The following CTIF variants were observed in gnomAD, a reference collection of about 807,000 sequenced individuals.
The protein encoded by CTIF is CBP80/20-dependent translation initiation factor.
CTIF carries 21 observed loss-of-function variants against 66.0 expected under a neutral mutation model. The observed-to-expected ratio is 0.32, with a 90% CI of 0.23 to 0.46. The LOEUF is 0.46. Ranked by LOEUF, CTIF falls within the 20% of genes least tolerant of loss-of-function variation. The probability of loss-of-function intolerance (pLI) is 1.00; values close to 1 mark genes in which losing one functional copy is unlikely to be tolerated. For synonymous variants in CTIF, 345 were observed against 326.4 expected (o/e 1.06, Z -0.62); for missense variants, 739 against 812.7 (o/e 0.91, Z 1.10).
chr18:48,800,223 C>T (rs960990802), intron 9 of CTIF, among the ~76,000 whole-genome samples: 13 of 152,234 alleles, frequency 8.5e-5, no homozygotes, highest in African/African-American at 3.1e-4. Context: ...TCAGAAATAT[C>T]TTGATGGCCT....
At chr18:48,837,356 A>C (rs1405520686) in intron 10 of CTIF, among the ~76,000 whole-genome samples, 1 of 152,072 alleles carries the variant, frequency 6.6e-6, no homozygotes, top group Non-Finnish European at 1.5e-5. Flanking sequence ...ACACATCCCC[A>C]CTCAGAGGAC....
intron 7 of CTIF, among the ~76,000 whole-genome samples, chr18:48,729,752 G>T (rs1325497138): frequency 1.3e-5 from 2 of 152,174 alleles, no homozygotes. Context: ...TGGGGAGGGT[G>T]GTCCTGCCTC....
chr18:48,550,947 T>C (rs1220000182), intron 1 of CTIF, among the ~76,000 whole-genome samples: 1 of 152,178 alleles, frequency 6.6e-6, no homozygotes, highest in Non-Finnish European at 1.5e-5. Context: ...TACGGATCTC[T>C]ACATGTTTTC....
chr18:48,707,434 G>A (rs900421408), intron 6 of CTIF, among the ~76,000 whole-genome samples: 2 of 152,132 alleles, frequency 1.3e-5, no homozygotes, highest in Non-Finnish European at 2.9e-5. Context: ...TTTTCCAGCC[G>A]CATCTTAACA....
intron 7 of CTIF, among the ~76,000 whole-genome samples, chr18:48,752,286 T>C (rs1384805760): frequency 2.0e-5 from 3 of 152,128 alleles, no homozygotes; most frequent in Non-Finnish European, 4.4e-5. Context: ...GGCCCTCTCC[T>C]CTCAGCGTTG....
intron 2 of CTIF, among the ~76,000 whole-genome samples, chr18:48,620,994 G>T (rs1048277166): frequency 4.6e-5 from 7 of 152,064 alleles, no homozygotes; most frequent in African/African-American, 1.4e-4. Flanking sequence ...AAAAATAGAT[G>T]TGATGCTTTC....
chr18:48,654,134 A>G (rs1213046754), intron 3 of CTIF, among the ~76,000 whole-genome samples: 1 of 152,240 alleles, frequency 6.6e-6, no homozygotes, highest in Non-Finnish European at 1.5e-5. Flanking sequence ...ATGGGATCTA[A>G]CTAAACTAAA....
intron 6 of CTIF, among the ~76,000 whole-genome samples, chr18:48,690,557 A>G (rs16949777): frequency 0.015 from 2,310 of 152,246 alleles, 18 homozygotes; most frequent in Non-Finnish European, 0.022. Flanking sequence ...TGGAGCCCTG[A>G]GTACAGAAGG....
chr18:48,560,204 A>G (rs2089121582), intron 1 of CTIF, among the ~76,000 whole-genome samples: 1 of 151,628 alleles, frequency 6.6e-6, no homozygotes, highest in African/African-American at 2.4e-5. Flanking sequence ...TGTTAGGAGG[A>G]ATTTCATAGA....
intron 9 of CTIF, among the ~76,000 whole-genome samples, chr18:48,787,096 G>A (rs1226556003): frequency 6.6e-6 from 1 of 152,200 alleles, no homozygotes; most frequent in Non-Finnish European, 1.5e-5. Flanking sequence ...GGGCGGAGCT[G>A]TGGTCAGGAC....
chr18:48,561,882 A>G (rs2089171564), intron 1 of CTIF, among the ~76,000 whole-genome samples: 3 of 152,184 alleles, frequency 2.0e-5, no homozygotes, highest in South Asian at 4.1e-4. Context: ...GGCAAACTAC[A>G]ACTTGCAGAC....
rs562645776 is a variant in CTIF, at chr18:48,841,961, C to T, written c.1528-15627C>T. Among the ~76,000 whole-genome samples, 12 of 152,334 alleles carry T rather than the reference C, an allele frequency of 7.9e-5. No individual in the cohort carries two copies. The East Asian group carries it at 1.7e-3, about 22-fold the overall frequency. ...GAACTCCACCCAAGACGCACAGCCCCTACCTACTGGAAGGTGGAGGAGGCT... is the reference window on the plus strand; with the variant it reads ...GAACTCCACCCAAGACGCACAGCCCTTACCTACTGGAAGGTGGAGGAGGCT... On this transcript the variant is annotated intron_variant, in intron 10 of 11. Transcript: ENST00000256413.
intron 1 of CTIF, among the ~76,000 whole-genome samples, chr18:48,615,438 C>A (rs189773601): frequency 1.3e-5 from 2 of 152,196 alleles, no homozygotes; most frequent in African/African-American, 4.8e-5. Context: ...CGCTGCGGAA[C>A]AGGGAAGTGA....
chr18:48,685,240 G>C (rs890775327), intron 6 of CTIF, among the ~76,000 whole-genome samples: 4 of 149,152 alleles, frequency 2.7e-5, no homozygotes, highest in African/African-American at 9.9e-5. Context: ...TTTTTTTCTT[G>C]AGATGGAGTT....
intron 10 of CTIF, among the ~76,000 whole-genome samples, chr18:48,850,671 G>A (rs980843715): frequency 4.6e-5 from 7 of 152,234 alleles, no homozygotes; most frequent in African/African-American, 1.7e-4. Context: ...TGGCACTGAC[G>A]GGGCCCCAGG....
rs2092441148 is a variant in CTIF, at chr18:48,730,552, CTGTGTG to C, written c.584+18858_584+18863del. On this transcript the variant is annotated intron_variant, in intron 7 of 11. Coordinates refer to ENST00000256413, the MANE Select transcript of CTIF (RefSeq NM_014772.3). Reference sequence around the variant, plus strand: ...GCCCCTGTGGTGTGAGGGGCTTCTGCTGTGTGAGGGGCTTCTGCGGTGTGAGGGGCC... The same window carrying C: ...GCCCCTGTGGTGTGAGGGGCTTCTGCAGGGGCTTCTGCGGTGTGAGGGGCC... 5.4e-5 allele frequency among the ~76,000 whole-genome samples: 2 copies of C among 37,050 alleles called. 1 individual carries two copies. Among genetic ancestry groups the C allele is most frequent in the Non-Finnish European group, 1.1e-4 (2 of 18,906 alleles). 24.3% of individuals were successfully genotyped at this position (37,050 alleles called of 152,430 possible).
At chr18:48,693,780 T>G (rs1422655798) in intron 6 of CTIF, among the ~76,000 whole-genome samples, 1 of 152,206 alleles carries the variant, frequency 6.6e-6, no homozygotes, top group Non-Finnish European at 1.5e-5. Context: ...AATAAAGCTT[T>G]ATTGGAACAC....
intron 9 of CTIF, among the ~76,000 whole-genome samples, chr18:48,813,045 G>T (rs2068293417): frequency 6.6e-6 from 1 of 150,542 alleles, no homozygotes; most frequent in Non-Finnish European, 1.5e-5. Context: ...CAGCTTTCTG[G>T]TCTATTTATC....
chr18:48,687,305 GACACACACAC>G (rs3082465), intron 6 of CTIF, among the ~76,000 whole-genome samples: 253 of 128,640 alleles, frequency 2.0e-3, no homozygotes, highest in Non-Finnish European at 3.0e-3. Context: ...TCTAGGAGGG[GACACACACAC>G]ACACACACAC....
Sources: allele counts gnomAD v4.1 joint callset (sites outside exome capture counted in the v4.1 genomes callset), GRCh38; gene constraint gnomAD v4.1.1; transcripts MANE v1.5; gene names NCBI Gene and HGNC (gene_info 2026-07-23, HGNC 2026-07-21).